Variants in ERBB4 observed in about 807,000 individuals in gnomAD.
The protein encoded by ERBB4 is receptor tyrosine-protein kinase erbB-4.
A neutral mutation model predicts 158.0 loss-of-function variants in ERBB4; 42 were observed. The observed-to-expected ratio is 0.27, with a 90% CI of 0.21 to 0.34. The LOEUF (loss-of-function observed/expected upper bound fraction) is 0.34. Among genes scored for constraint, ERBB4 ranks in the 10% least tolerant of loss-of-function variants. ERBB4 has a pLI of 1.00. For missense variants in ERBB4, 1,333 were observed against 1,624.1 expected (o/e 0.82, Z 3.08); for synonymous variants, 583 against 558.7 (o/e 1.04, Z -0.61).
At chr2:212,453,296 A>G (rs1204581234) in intron 1 of ERBB4, among the ~76,000 whole-genome samples, 1 of 152,204 alleles carries the variant, frequency 6.6e-6, no homozygotes, top group Non-Finnish European at 1.5e-5. Context: ...TTGATTTCCC[A>G]TTTAAGGTCC....
intron 20 of ERBB4, among the ~76,000 whole-genome samples, chr2:211,539,785 T>A (rs77810098): frequency 0.038 from 5,767 of 152,056 alleles, 183 homozygotes; most frequent in Admixed American, 0.061. Flanking sequence ...AAAGGGAGGT[T>A]TTTTTATGTT....
At chr2:211,557,412 T>C (rs2125712343) in intron 20 of ERBB4, among the ~76,000 whole-genome samples, 1 of 151,514 alleles carries the variant, frequency 6.6e-6, no homozygotes, top group East Asian at 1.9e-4. Context: ...CTTAAACAAA[T>C]AGACAAGAAA....
At chr2:212,193,160 G>A (rs1559711901) in intron 1 of ERBB4, among the ~76,000 whole-genome samples, 1 of 152,154 alleles carries the variant, frequency 6.6e-6, no homozygotes, top group Non-Finnish European at 1.5e-5. Context: ...CAATGGCAAT[G>A]AAGATGGCTT....
At chr2:211,844,841 A>C (rs1575234940) in intron 3 of ERBB4, among the ~76,000 whole-genome samples, 1 of 152,298 alleles carries the variant, frequency 6.6e-6, no homozygotes, top group East Asian at 1.9e-4. Flanking sequence ...GTGGATATTC[A>C]ATGCCTGAGA....
At chr2:211,974,295 C>T (rs1397252223) in intron 2 of ERBB4, among the ~76,000 whole-genome samples, 1 of 151,936 alleles carries the variant, frequency 6.6e-6, no homozygotes, top group African/African-American at 2.4e-5. Flanking sequence ...TTCATAATTC[C>T]AGTGCTTAAG....
chr2:211,647,550 C>A (rs1355362051), intron 16 of ERBB4, among the ~76,000 whole-genome samples: 7 of 151,586 alleles, frequency 4.6e-5, no homozygotes, highest in African/African-American at 1.7e-4. Context: ...TACCCCCATC[C>A]ATCCAACTTT....
intron 2 of ERBB4, among the ~76,000 whole-genome samples, chr2:212,102,848 T>A (rs1433645039): frequency 6.6e-6 from 1 of 152,096 alleles, no homozygotes; most frequent in Non-Finnish European, 1.5e-5. Context: ...TACTATTAAT[T>A]CTATTTCCAA....
intron 1 of ERBB4, among the ~76,000 whole-genome samples, chr2:212,454,524 C>G (rs952907646): frequency 2.0e-5 from 3 of 152,056 alleles, no homozygotes; most frequent in Non-Finnish European, 2.9e-5. Flanking sequence ...AATATGAAAA[C>G]TTTTGATTTG....
chr2:212,442,982 C>G (rs897200458), intron 1 of ERBB4, among the ~76,000 whole-genome samples: 1 of 152,210 alleles, frequency 6.6e-6, no homozygotes, highest in African/African-American at 2.4e-5. Flanking sequence ...GTAAGCTTAA[C>G]CAAATTGTGA....
chr2:212,025,143 C>T lies in ERBB4; in HGVS notation c.235-77527G>A, dbSNP rs557148996. Among the ~76,000 whole-genome samples, 6 of 151,750 alleles carry T rather than the reference C, an allele frequency of 4.0e-5. No homozygotes were observed. The South Asian group carries it at 6.2e-4, about 16-fold the overall frequency. On this transcript the variant is annotated intron_variant, in intron 2 of 27. Coordinates refer to ENST00000342788, the MANE Select transcript of ERBB4 (RefSeq NM_005235.3). ...TATAGCTTTTAGACATACTGGTACA[C>T]GGTAACTCCTTGAAGAATAAATAGG...
chr2:211,583,184 T>C (rs972615385), intron 19 of ERBB4, among the ~76,000 whole-genome samples: 5 of 152,070 alleles, frequency 3.3e-5, no homozygotes, highest in Admixed American at 6.5e-5. Context: ...AAATTCACTT[T>C]ATCGACAAAC....
intron 1 of ERBB4, among the ~76,000 whole-genome samples, chr2:212,508,994 A>G (rs1312733716): frequency 6.6e-6 from 1 of 152,080 alleles, no homozygotes; most frequent in African/African-American, 2.4e-5. Flanking sequence ...TTATTTTCTA[A>G]TGTCCTTAAG....
intron 18 of ERBB4, among the ~76,000 whole-genome samples, chr2:211,620,250 C>T (rs1048864156): frequency 2.6e-5 from 4 of 151,966 alleles, no homozygotes; most frequent in Non-Finnish European, 5.9e-5. Flanking sequence ...AGCTTCTTAG[C>T]CCTGACATCA....
At chr2:212,455,856 T>C (rs1688264781) in intron 1 of ERBB4, among the ~76,000 whole-genome samples, 1 of 152,148 alleles carries the variant, frequency 6.6e-6, no homozygotes. Flanking sequence ...CATTTATTTG[T>C]TTAAAAAATA....
chr2:212,478,406 A>C (rs2106149247), intron 1 of ERBB4, among the ~76,000 whole-genome samples: 1 of 152,220 alleles, frequency 6.6e-6, no homozygotes, highest in Admixed American at 6.6e-5. Flanking sequence ...GAAATCCCAA[A>C]GAAAGTTGAA....
intron 1 of ERBB4, among the ~76,000 whole-genome samples, chr2:212,433,606 C>T (rs2092076651): frequency 6.6e-6 from 1 of 151,898 alleles, no homozygotes. Flanking sequence ...AGGTTCTCAA[C>T]AAGAACAGCT....
intron 3 of ERBB4, among the ~76,000 whole-genome samples, chr2:211,945,478 T>C (rs2080662363): frequency 6.6e-6 from 1 of 151,554 alleles, no homozygotes; most frequent in African/African-American, 2.4e-5. Flanking sequence ...TTAATAACTT[T>C]TGAATGAGTA....
chr2:211,704,730 A>G (rs1341975069), intron 10 of ERBB4, among the ~76,000 whole-genome samples: 1 of 152,228 alleles, frequency 6.6e-6, no homozygotes, highest in Non-Finnish European at 1.5e-5. Context: ...TCTTTTGAAG[A>G]AGTAAACAGA....
In ERBB4 at chr2:212,168,669, T is replaced by A. The variant is rs530306950; in HGVS notation, c.83-43766A>T. The stretch of plus-strand genomic sequence containing the variant: ...TCAACAGGGCTTATCCCAGAAGGCT[T>A]CATGTAGCACATGACATTTGAACCA... On this transcript the variant is annotated intron_variant, in intron 1 of 27. Transcript: ENST00000342788. Among the ~76,000 whole-genome samples the A allele has an allele frequency of 7.9e-5, 12 of 152,254 alleles. No individual in the cohort carries two copies. In the South Asian group the frequency reaches 2.5e-3, roughly 32 times the overall value.
Sources: gnomAD v4.1 joint callset for allele counts (sites outside exome capture counted in the v4.1 genomes callset) on GRCh38, gnomAD v4.1.1 for gene constraint, MANE v1.5 for transcripts, NCBI Gene and HGNC (gene_info 2026-07-23, HGNC 2026-07-21) for gene names.